PAPSS1: variants seen among roughly 807,000 people sequenced by gnomAD.
PAPSS1 encodes bifunctional 3'-phosphoadenosine 5'-phosphosulfate synthase 1.
Under a neutral mutation model 72.0 loss-of-function variants are expected in PAPSS1, and 50 were observed. The ratio of observed to expected loss-of-function variants is 0.69; its 90% CI spans 0.55 to 0.88. The LOEUF (loss-of-function observed/expected upper bound fraction) is 0.88, where lower values mean the gene tolerates loss of function less well. Among genes scored for constraint, PAPSS1 ranks in the 40% least tolerant of loss-of-function variants. The pLI, the probability that PAPSS1 is intolerant of heterozygous loss-of-function variation, is 0.00. For synonymous variants in PAPSS1, 261 were observed against 263.6 expected (o/e 0.99, Z 0.09); for missense variants, 657 against 782.2 (o/e 0.84, Z 1.91).
chr4:107,716,891 C>T (rs1223581809), intron 1 of PAPSS1, among the ~76,000 whole-genome samples: 2 of 152,176 alleles, frequency 1.3e-5, no homozygotes, highest in Non-Finnish European at 2.9e-5. Context: ...TTTACCTAAT[C>T]CTTAACAGGA....
intron 10 of PAPSS1, among the ~76,000 whole-genome samples, chr4:107,634,797 ATT>A (rs3083966): frequency 2.2e-4 from 25 of 115,980 alleles, no homozygotes; most frequent in African/African-American, 5.0e-4. Flanking sequence ...TATTCTAGAC[ATT>A]TTTTTTTTTT....
intron 10 of PAPSS1, among the ~76,000 whole-genome samples, chr4:107,638,410 A>G (rs150512121): frequency 0.011 from 1,662 of 152,310 alleles, 13 homozygotes; most frequent in Non-Finnish European, 0.017. Flanking sequence ...TAATCTCTCA[A>G]TCTCCAAAAA....
Position 107,657,659 on chromosome 4 carries a change from C to G in PAPSS1, c.784-652G>C, listed in dbSNP as rs145405703. Among the ~76,000 whole-genome samples the G allele has an allele frequency of 5.2e-3, 796 of 151,962 alleles. 8 individuals are homozygous for G. Among genetic ancestry groups the G allele is most frequent in the African/African-American group, 0.019 (774 of 41,418 alleles). On this transcript the variant is annotated intron_variant, in intron 6 of 11. Coordinates refer to ENST00000265174, the MANE Select transcript of PAPSS1 (RefSeq NM_005443.5). ...TTGCTTGGGCCAGGAATCGCTTGAG[C>G]CCAGGAGGCAGAGGTTGCAGTGAAC...
chr4:107,619,802 T>C (rs1231691318), intron 11 of PAPSS1, among the ~76,000 whole-genome samples: 2 of 152,162 alleles, frequency 1.3e-5, no homozygotes, highest in African/African-American at 4.8e-5. Context: ...TCAAAACCAC[T>C]TGGTTACAGA....
intron 4 of PAPSS1, 125 bp from the exon 5 acceptor site, chr4:107,682,258 G>C: frequency 2.3e-6 from 1 of 431,224 alleles, no homozygotes. Flanking sequence ...CAGGGCTATA[G>C]TAATGAAGCA....
intron 1 of PAPSS1, 93 bp downstream of exon 1, chr4:107,720,027 T>C: frequency 6.4e-6 from 10 of 1,560,966 alleles, no homozygotes; most frequent in African/African-American, 1.4e-5. Context: ...GAAGGATGGA[T>C]GCGGAGGAGG....
chr4:107,702,744 T>A (rs1478024403), intron 1 of PAPSS1, among the ~76,000 whole-genome samples: 1 of 152,234 alleles, frequency 6.6e-6, no homozygotes, highest in South Asian at 2.1e-4. Flanking sequence ...TTAATCCATT[T>A]ATCAACTGGT....
chr4:107,702,080 T>C (rs1450388693), intron 1 of PAPSS1, among the ~76,000 whole-genome samples: 1 of 151,432 alleles, frequency 6.6e-6, no homozygotes, highest in African/African-American at 2.4e-5. Flanking sequence ...ATTATTTAAA[T>C]AATATTCAAC....
At chr4:107,662,851 G>A (rs3805342) in intron 5 of PAPSS1, among the ~76,000 whole-genome samples, 29,351 of 152,008 alleles carry the variant, frequency 0.19, 3,129 homozygotes, top group East Asian at 0.37. Flanking sequence ...AGCAGTCTGT[G>A]CAAAGCCTAT....
chr4:107,618,397 G>T (rs1289924220), intron 11 of PAPSS1, among the ~76,000 whole-genome samples: 1 of 150,424 alleles, frequency 6.6e-6, no homozygotes, highest in Non-Finnish European at 1.5e-5. Flanking sequence ...TTAAGGAAAC[G>T]AGAGAAGGCT....
At chr4:107,690,576 G>C (rs1432182374) in intron 3 of PAPSS1, among the ~76,000 whole-genome samples, 1 of 152,152 alleles carries the variant, frequency 6.6e-6, no homozygotes, top group Non-Finnish European at 1.5e-5. Flanking sequence ...GAAGTATCAG[G>C]TTAATTTTCA....
chr4:107,654,798 C>T lies in PAPSS1; in HGVS notation c.998G>A (p.Arg333His), dbSNP rs377296602. 2.2e-5 allele frequency: 35 copies of T among 1,613,736 alleles called. No homozygotes were observed. The highest frequency in any genetic ancestry group is 1.3e-4 in the South Asian group (12 of 91,066). ...CTAFALMYEG[R>H]RVAILRNPEF... ...TGGATTGCGAAGAATGGCCACACGGCGGCCCTCATACATCAGAGCAAATGC... is the reference window on the plus strand; with the variant it reads ...TGGATTGCGAAGAATGGCCACACGGTGGCCCTCATACATCAGAGCAAATGC... The change falls in exon 8 of 12, where the codon CGC (arginine) becomes CAC (histidine). Residue 333 changes from arginine to histidine, a missense_variant. Physicochemically the swap from Arg to His is conservative, Grantham distance 29. This residue lies in a region of PAPSS1 where 190 missense variants were observed against 176.7 expected (regional missense o/e 1.07). Coordinates refer to ENST00000265174, the MANE Select transcript of PAPSS1 (RefSeq NM_005443.5).
chr4:107,650,488 T>C (rs1726809947), intron 9 of PAPSS1, among the ~76,000 whole-genome samples: 1 of 152,208 alleles, frequency 6.6e-6, no homozygotes. Flanking sequence ...CTTTCAACAG[T>C]GCCAACAATT....
intron 2 of PAPSS1, among the ~76,000 whole-genome samples, chr4:107,694,944 A>T (rs1173394245): frequency 3.4e-5 from 2 of 59,254 alleles, no homozygotes; most frequent in Non-Finnish European, 5.3e-5. Context: ...CAGAAGGCTA[A>T]CTGGAATAAA....
chr4:107,705,048 T>A (rs1578435180), intron 1 of PAPSS1, among the ~76,000 whole-genome samples: 1 of 152,194 alleles, frequency 6.6e-6, no homozygotes, highest in Admixed American at 6.5e-5. Flanking sequence ...ATGTGCTATA[T>A]AATTCAGTTT....
intron 1 of PAPSS1, 161 bp downstream of exon 1, chr4:107,719,959 C>T: frequency 7.1e-7 from 1 of 1,405,970 alleles, no homozygotes; most frequent in Non-Finnish European, 9.2e-7. Context: ...TGCCTCGCAA[C>T]CACCCACGGC....
Position 107,614,270 on chromosome 4 carries a change from G to C in PAPSS1, c.1854C>G (p.Tyr618Ter). 1 of 1,613,802 alleles carries C rather than the reference G, an allele frequency of 6.2e-7. No individual in the cohort carries two copies. The highest frequency in any genetic ancestry group is 1.1e-5 in the South Asian group (1 of 91,048). The change falls in exon 12 of 12, where the codon TAC becomes TAG. Residue 618 changes from tyrosine (Y) to a stop codon, truncating the protein, a stop_gained. Transcript: ENST00000265174. LOFTEE classifies it high-confidence loss of function. ...CAGCCTAAGCTTTCTCCAAGGATTT[G>C]TAGTATTCTGTCAGCACGGTCCAAG... Reference protein sequence around the residue: ...PKAWTVLTEYYKSLEKA With the variant: ...PKAWTVLTEY
At chr4:107,686,360 T>C (rs2340453) in intron 4 of PAPSS1, among the ~76,000 whole-genome samples, 119,732 of 152,196 alleles carry the variant, frequency 0.79, 50,631 homozygotes, top group South Asian at 0.95. Context: ...TCTAGATTAC[T>C]TATAATACCT....
chr4:107,676,027 C>T (rs868043962), intron 5 of PAPSS1, among the ~76,000 whole-genome samples: 4 of 152,228 alleles, frequency 2.6e-5, no homozygotes, highest in African/African-American at 7.2e-5. Context: ...ATTGATGGGA[C>T]GTATCTCAAA....
Sources: gnomAD v4.1 joint callset for allele counts (sites outside exome capture counted in the v4.1 genomes callset) on GRCh38, gnomAD v4.1.1 for gene constraint, gnomAD v4.1.1 regional missense constraint, MANE v1.5 for transcripts, NCBI Gene and HGNC (gene_info 2026-07-23, HGNC 2026-07-21) for gene names.